The following SND1 variants were observed in gnomAD, a reference collection of about 807,000 sequenced individuals.
SND1 encodes staphylococcal nuclease domain-containing protein 1.
A neutral mutation model predicts 121.7 loss-of-function variants in SND1; 38 were observed. That is an observed-to-expected ratio of 0.31 (90% CI 0.24 to 0.41). The LOEUF (loss-of-function observed/expected upper bound fraction) is 0.41, where lower values mean the gene tolerates loss of function less well. SND1 is among the 10% of genes least tolerant of loss of function. SND1 has a pLI of 1.00. For synonymous variants in SND1, 401 were observed against 447.4 expected, an observed-to-expected ratio of 0.90 and a Z score of 1.31; for missense variants, 868 against 1,184.6, an observed-to-expected ratio of 0.73 and a Z score of 3.92.
chr7:127,735,807 A>G (rs1019266514), intron 10 of SND1, among the ~76,000 whole-genome samples: 2 of 152,084 alleles, frequency 1.3e-5, no homozygotes, highest in Non-Finnish European at 2.9e-5. Flanking sequence ...TTGTATTTTT[A>G]GTAGAGATGG....
At chr7:128,080,994 C>CT (rs1286407782) in intron 17 of SND1, among the ~76,000 whole-genome samples, 12 of 149,148 alleles carry the variant, frequency 8.0e-5, no homozygotes, top group East Asian at 3.9e-4. Context: ...TTCCCAGTGT[C>CT]TTTTTTTTTT....
chr7:127,988,225 T>TA (rs1212220592), intron 15 of SND1, among the ~76,000 whole-genome samples: 2 of 152,226 alleles, frequency 1.3e-5, no homozygotes, highest in Non-Finnish European at 2.9e-5. Flanking sequence ...GACATTCAGA[T>TA]ATCATAAAGC....
At chr7:127,854,591 T>G (rs985578831) in intron 12 of SND1, among the ~76,000 whole-genome samples, 4 of 150,188 alleles carry the variant, frequency 2.7e-5, no homozygotes, top group African/African-American at 9.8e-5. Flanking sequence ...TTTAGAATAG[T>G]GCCATGATGT....
chr7:127,855,178 G>A (rs755336704), intron 12 of SND1, among the ~76,000 whole-genome samples: 3 of 152,042 alleles, frequency 2.0e-5, no homozygotes, highest in Non-Finnish European at 4.4e-5. Flanking sequence ...GAGTGCTGTG[G>A]TACAATCATG....
chr7:127,835,934 T>C (rs1021922856), intron 11 of SND1, among the ~76,000 whole-genome samples: 3 of 152,246 alleles, frequency 2.0e-5, no homozygotes, highest in African/African-American at 7.2e-5. Flanking sequence ...CAGGTTGTTA[T>C]CACTACTTCT....
At chr7:127,698,805 C>A in intron 3 of SND1, 70 bp from the exon 4 acceptor site, 1 of 1,208,732 alleles carries the variant, frequency 8.3e-7, no homozygotes, top group South Asian at 1.2e-5. Flanking sequence ...GAAAGTGGTC[C>A]CATTTGGGCT....
intron 14 of SND1, among the ~76,000 whole-genome samples, chr7:127,916,053 C>CAT (rs67205458): frequency 0.015 from 2,137 of 140,076 alleles, 19 homozygotes; most frequent in Non-Finnish European, 0.019. Context: ...TATATGTATA[C>CAT]ATATATATAT....
intron 16 of SND1, among the ~76,000 whole-genome samples, chr7:128,000,506 T>C (rs1054372445): frequency 1.3e-5 from 2 of 152,030 alleles, no homozygotes; most frequent in East Asian, 3.9e-4. Context: ...TAGGTAGGAC[T>C]ACAGGCCCGT....
chr7:128,003,690 A>G (rs1323045999), intron 16 of SND1, among the ~76,000 whole-genome samples: 1 of 152,222 alleles, frequency 6.6e-6, no homozygotes, highest in African/African-American at 2.4e-5. Flanking sequence ...AATGCAACAA[A>G]CAGTCCATTA....
chr7:127,720,235 C>T (rs986444674), intron 9 of SND1, among the ~76,000 whole-genome samples: 1 of 152,182 alleles, frequency 6.6e-6, no homozygotes, highest in African/African-American at 2.4e-5. Context: ...GAAATTTTGC[C>T]AGTCCGCCCT....
intron 15 of SND1, among the ~76,000 whole-genome samples, chr7:127,985,957 T>G (rs1802377362): frequency 6.6e-6 from 1 of 152,228 alleles, no homozygotes; most frequent in African/African-American, 2.4e-5. Flanking sequence ...TTTGTCTCCT[T>G]CAGCTAATGC....
chr7:127,679,178 T>G (rs1459669095), intron 1 of SND1: 2 of 152,268 alleles, frequency 1.3e-5, no homozygotes. Flanking sequence ...GCTTTGTAGA[T>G]TTCACTGAAG....
At chr7:127,775,162 C>T (rs574682560) in intron 10 of SND1, among the ~76,000 whole-genome samples, 19 of 152,250 alleles carry the variant, frequency 1.2e-4, no homozygotes, top group African/African-American at 4.6e-4. Flanking sequence ...CAACAAGGAC[C>T]GGAAGCTCGG....
chr7:127,976,563 A>G (rs1367916151), intron 15 of SND1, among the ~76,000 whole-genome samples: 2 of 152,206 alleles, frequency 1.3e-5, no homozygotes, highest in African/African-American at 2.4e-5. Flanking sequence ...TTCCCTGTCC[A>G]CTGGCCACAG....
chr7:127,991,070 C>T lies in SND1; in HGVS notation c.1779+14C>T. 1 of 1,593,054 alleles carries T rather than the reference C, an allele frequency of 6.3e-7. No individual in the cohort carries two copies. The highest frequency in any genetic ancestry group is 8.6e-7 in the Non-Finnish European group (1 of 1,162,208). ...CTGCAGCGAGAGGTAGGACATCTTC[C>T]TGTTGCTTCTTCTGTGAGGAGGGGT... On this transcript the variant is annotated intron_variant, in intron 16 of 23. Coordinates refer to ENST00000354725, the MANE Select transcript of SND1 (RefSeq NM_014390.4).
chr7:127,967,223 T>G (rs1801873559), intron 15 of SND1, among the ~76,000 whole-genome samples: 2 of 152,162 alleles, frequency 1.3e-5, no homozygotes, highest in Admixed American at 1.3e-4. Context: ...ACTGAAAGCA[T>G]AGTTCTCCTG....
intron 11 of SND1, among the ~76,000 whole-genome samples, chr7:127,814,567 T>C (rs1356065294): frequency 2.6e-5 from 4 of 151,944 alleles, no homozygotes. Context: ...CAGCATACGA[T>C]CAGTTTTGTC....
At chr7:127,672,276 A>G (rs541441441) in intron 1 of SND1, among the ~76,000 whole-genome samples, 12 of 152,244 alleles carry the variant, frequency 7.9e-5, no homozygotes, top group African/African-American at 1.9e-4. Flanking sequence ...ATATCCATCT[A>G]TAGGAACACA....
At chr7:127,754,673 C>T (rs866701114) in intron 10 of SND1, among the ~76,000 whole-genome samples, 1 of 152,228 alleles carries the variant, frequency 6.6e-6, no homozygotes, top group Non-Finnish European at 1.5e-5. Flanking sequence ...GTACTGAACA[C>T]TACATGGCCA....
Sources: allele counts gnomAD v4.1 joint callset (sites outside exome capture counted in the v4.1 genomes callset), GRCh38; gene constraint gnomAD v4.1.1; transcripts MANE v1.5; gene names NCBI Gene and HGNC (gene_info 2026-07-23, HGNC 2026-07-21).